AK5: variants seen among roughly 807,000 people sequenced by gnomAD.
The protein encoded by AK5 is adenylate kinase isoenzyme 5.
A neutral mutation model predicts 69.5 loss-of-function variants in AK5; 27 were observed. The observed-to-expected ratio is 0.39, with a 90% CI of 0.29 to 0.54. AK5 has a LOEUF of 0.54. Among genes scored for constraint, AK5 ranks in the 20% least tolerant of loss-of-function variants. The probability of loss-of-function intolerance (pLI) is 0.71; values close to 1 mark genes in which losing one functional copy is unlikely to be tolerated. For synonymous variants in AK5, 260 were observed against 244.4 expected, an observed-to-expected ratio of 1.06 and a Z score of -0.60; for missense variants, 531 against 700.4, an observed-to-expected ratio of 0.76 and a Z score of 2.73.
chr1:77,475,545 T>TATA (rs1553155064), intron 8 of AK5, among the ~76,000 whole-genome samples: 6 of 84,464 alleles, frequency 7.1e-5, no homozygotes, highest in South Asian at 6.5e-4. Flanking sequence ...CAAATATATA[T>TATA]TATATATATA....
rs143000995 is a variant in AK5 at position 77,328,901 on chromosome 1, A to G, written c.700-11476A>G. Reference sequence around the variant, plus strand: ...AAGTGAATATGGCTTATGGTTCTTGAGGCTGGGAAGCCTAAGAGGCTGTTG... The same window carrying G: ...AAGTGAATATGGCTTATGGTTCTTGGGGCTGGGAAGCCTAAGAGGCTGTTG... On this transcript the variant is annotated intron_variant, in intron 5 of 13. Coordinates refer to ENST00000354567, the MANE Select transcript of AK5 (RefSeq NM_174858.3). 1.6e-3 allele frequency among the ~76,000 whole-genome samples: 241 copies of G among 152,294 alleles called. 2 individuals are homozygous for G. Among genetic ancestry groups the G allele is most frequent in the Middle Eastern group, 0.01 (3 of 294 alleles).
intron 10 of AK5, among the ~76,000 whole-genome samples, chr1:77,509,816 G>T (rs1040425504): frequency 6.6e-6 from 1 of 152,174 alleles, no homozygotes; most frequent in Non-Finnish European, 1.5e-5. Context: ...CTGGGAGTAA[G>T]TTAGAAAGAG....
intron 8 of AK5, among the ~76,000 whole-genome samples, chr1:77,441,029 G>A (rs1291392045): frequency 5.9e-5 from 9 of 152,262 alleles, no homozygotes; most frequent in East Asian, 5.8e-4. Context: ...GATTACAGGC[G>A]TGAGCCACCG....
At position 77,535,998 on chromosome 1, in the gene AK5, C is replaced by A; in HGVS notation, c.1580C>A (p.Pro527His). The stretch of plus-strand genomic sequence containing the variant: ...GAAGCCTACTACCGAGCGTCCATCC[C>A]CGTGATCGCCTACTACGAGACAAAA... ...RLEAYYRASI[P>H]VIAYYETKTQ... The change falls in exon 13 of 14, where the codon CCC becomes CAC. Residue 527 changes from proline (P) to histidine (H), a missense_variant. By Grantham distance (77) the Pro-to-His change is moderately conservative (BLOSUM62 -2). Coordinates refer to ENST00000354567, the MANE Select transcript of AK5 (RefSeq NM_174858.3). 1 of 1,614,028 alleles carries A rather than the reference C, an allele frequency of 6.2e-7. No homozygotes were observed. The highest frequency in any genetic ancestry group is 8.5e-7 in the Non-Finnish European group (1 of 1,180,002).
At chr1:77,391,495 G>GTATGTGTATATATATATATATA (rs1553144161) in intron 6 of AK5, among the ~76,000 whole-genome samples, 1 of 63,412 alleles carries the variant, frequency 1.6e-5, no homozygotes, top group African/African-American at 5.3e-5. Context: ...GTGTGTGTGT[G>GTATGTGTATATATATATATATA]TATATATATA....
rs528891991 is a variant in AK5 at position 77,531,161 on chromosome 1, C to A, written c.1429-4686C>A. 1.8e-4 allele frequency among the ~76,000 whole-genome samples: 27 copies of A among 152,288 alleles called. No homozygotes were observed. The East Asian group carries it at 5.2e-3, about 29-fold the overall frequency. ...CGGATGTGTTCGGAGTTTATTCCTT[C>A]TGGTGGGTTCGTGGTCTCGCTGGCT... is the stretch of plus-strand genomic sequence containing the variant. On this transcript the variant is annotated intron_variant, in intron 12 of 13. Coordinates refer to ENST00000354567, the MANE Select transcript of AK5 (RefSeq NM_174858.3).
chr1:77,501,252 T>C (rs556635822), intron 10 of AK5, among the ~76,000 whole-genome samples: 1 of 152,300 alleles, frequency 6.6e-6, no homozygotes, highest in African/African-American at 2.4e-5. Context: ...TGCATGAATG[T>C]GATGTTGACT....
intron 6 of AK5, among the ~76,000 whole-genome samples, chr1:77,400,100 G>A (rs1649105732): frequency 6.6e-6 from 1 of 152,244 alleles, no homozygotes; most frequent in South Asian, 2.1e-4. Context: ...AAATGGGGAA[G>A]AAGATAAAGA....
At chr1:77,324,578 AC>A (rs900800402) in intron 5 of AK5, among the ~76,000 whole-genome samples, 3 of 152,034 alleles carry the variant, frequency 2.0e-5, no homozygotes, top group Non-Finnish European at 4.4e-5. Flanking sequence ...CCAGATATAA[AC>A]CCACCTGAAT....
chr1:77,294,642 G>C (rs1421928315), intron 3 of AK5, among the ~76,000 whole-genome samples: 1 of 152,084 alleles, frequency 6.6e-6, no homozygotes, highest in Non-Finnish European at 1.5e-5. Context: ...CATAACATCT[G>C]AGTATTAACC....
chr1:77,440,025 A>G (rs1652223459), intron 8 of AK5, among the ~76,000 whole-genome samples: 1 of 151,970 alleles, frequency 6.6e-6, no homozygotes, highest in Admixed American at 6.6e-5. Context: ...TTGTAGTGAT[A>G]AGCTTTGATT....
chr1:77,505,679 C>T (rs1260408988), intron 10 of AK5, among the ~76,000 whole-genome samples: 1 of 148,992 alleles, frequency 6.7e-6, no homozygotes, highest in African/African-American at 2.5e-5. Flanking sequence ...CTAGCCTGGC[C>T]AACATGGTGA....
At chr1:77,484,565 G>C (rs1386710023) in intron 9 of AK5, among the ~76,000 whole-genome samples, 1 of 152,202 alleles carries the variant, frequency 6.6e-6, no homozygotes, top group Non-Finnish European at 1.5e-5. Context: ...TAACTTAGCT[G>C]TCACTTAGCT....
At chr1:77,444,390 T>TAC (rs200350754) in intron 8 of AK5, among the ~76,000 whole-genome samples, 1,395 of 16,796 alleles carry the variant, frequency 0.083, 102 homozygotes, top group Non-Finnish European at 0.15. Context: ...ATATAGTATA[T>TAC]ATAGTATAAA....
At chr1:77,428,599 T>TA (rs1651371548) in intron 8 of AK5, among the ~76,000 whole-genome samples, 1 of 151,590 alleles carries the variant, frequency 6.6e-6, no homozygotes. Flanking sequence ...CAAGTTCTTT[T>TA]TTTTTTAATT....
At chr1:77,421,485 A>G (rs867802333) in intron 8 of AK5, among the ~76,000 whole-genome samples, 11 of 152,178 alleles carry the variant, frequency 7.2e-5, no homozygotes, top group South Asian at 2.1e-4. Flanking sequence ...TTCCTTTTAC[A>G]TGTGATCTCC....
At chr1:77,350,097 A>T (rs975746960) in intron 6 of AK5, among the ~76,000 whole-genome samples, 1 of 152,230 alleles carries the variant, frequency 6.6e-6, no homozygotes, top group Non-Finnish European at 1.5e-5. Flanking sequence ...TACAAAGATG[A>T]TGTGGAGCCA....
At chr1:77,492,425 C>T (rs1656056447) in intron 10 of AK5, among the ~76,000 whole-genome samples, 1 of 152,170 alleles carries the variant, frequency 6.6e-6, no homozygotes, top group African/African-American at 2.4e-5. Flanking sequence ...CTAATAACCT[C>T]TTAGTGTTAT....
intron 8 of AK5, among the ~76,000 whole-genome samples, chr1:77,461,840 C>G (rs898914613): frequency 3.3e-5 from 5 of 151,310 alleles, no homozygotes; most frequent in Non-Finnish European, 1.5e-5. Context: ...ATATTGTATT[C>G]TTGAAAAATG....
Sources: gnomAD v4.1 joint callset for allele counts (sites outside exome capture counted in the v4.1 genomes callset) on GRCh38, gnomAD v4.1.1 for gene constraint, MANE v1.5 for transcripts, NCBI Gene and HGNC (gene_info 2026-07-23, HGNC 2026-07-21) for gene names.